Variants in AKR1C4 observed in about 807,000 individuals in gnomAD.
AKR1C4 encodes the protein 3-alpha-HSD1.
A neutral mutation model predicts 41.0 loss-of-function variants in AKR1C4; 44 were observed. The observed-to-expected ratio is 1.07, with a 90% confidence interval of 0.84 to 1.38. AKR1C4 has a LOEUF of 1.38. Ranked by LOEUF, AKR1C4 falls within the 40% of genes most tolerant of loss-of-function variation. The pLI is 0.00. For synonymous variants in AKR1C4, 165 were observed against 137.7 expected (o/e 1.20, Z -1.39); for missense variants, 438 against 387.9 (o/e 1.13, Z -1.09).
At chr10:5,199,369 G>A (rs538298182) in intron 1 of AKR1C4, among the ~76,000 whole-genome samples, 144 of 152,106 alleles carry the variant, frequency 9.5e-4, no homozygotes, top group Admixed American at 1.6e-3. Flanking sequence ...AGAGGAGGAC[G>A]TGGTCCCTGG....
chr10:5,217,774 AT>A (rs142613902), intron 8 of AKR1C4, among the ~76,000 whole-genome samples: 1,692 of 152,244 alleles, frequency 0.011, 78 homozygotes, highest in Admixed American at 0.072. Flanking sequence ...AAACAAAAAA[AT>A]CAAGGGAAGA....
chr10:5,216,946 C>G (rs1331718618), intron 8 of AKR1C4, among the ~76,000 whole-genome samples, 153 bp downstream of exon 8: 1 of 152,190 alleles, frequency 6.6e-6, no homozygotes, highest in Non-Finnish European at 1.5e-5. Context: ...TGGATTCACT[C>G]CAGAGCTCTG....
At chr10:5,209,878 C>G (rs1403624351) in intron 5 of AKR1C4, among the ~76,000 whole-genome samples, 1 of 152,100 alleles carries the variant, frequency 6.6e-6, no homozygotes, top group African/African-American at 2.4e-5. Context: ...ACCCCTGGCC[C>G]CTCCCAAATC....
intron 5 of AKR1C4, among the ~76,000 whole-genome samples, chr10:5,211,022 C>T (rs995405779): frequency 2.6e-5 from 4 of 152,218 alleles, no homozygotes; most frequent in Non-Finnish European, 5.9e-5. Context: ...ACCTTGGCCC[C>T]TTTTAGTCAC....
chr10:5,209,579 T>C (rs537542462), intron 5 of AKR1C4, among the ~76,000 whole-genome samples: 4 of 152,178 alleles, frequency 2.6e-5, no homozygotes, highest in East Asian at 1.9e-4. Context: ...CTGGGACTTA[T>C]AGTTCCAATA....
chr10:5,205,693 A>G, intron 3 of AKR1C4, 64 bp from the exon 4 acceptor site: 1 of 1,400,024 alleles, frequency 7.1e-7, no homozygotes, highest in Non-Finnish European at 1.0e-6. Flanking sequence ...TAAAATGTAC[A>G]TGGGAGCATG....
intron 4 of AKR1C4, among the ~76,000 whole-genome samples, chr10:5,206,071 A>C (rs1337269667): frequency 6.6e-6 from 1 of 152,218 alleles, no homozygotes; most frequent in Non-Finnish European, 1.5e-5. Flanking sequence ...ATGGACATTT[A>C]TCTCTCCAGC....
intron 5 of AKR1C4, among the ~76,000 whole-genome samples, chr10:5,211,749 AT>A (rs1305367010): frequency 1.3e-5 from 2 of 152,022 alleles, no homozygotes; most frequent in African/African-American, 4.8e-5. Flanking sequence ...ATATTAGTCC[AT>A]TTTCATGCTG....
intron 5 of AKR1C4, among the ~76,000 whole-genome samples, chr10:5,212,235 C>G (rs1030864084): frequency 6.6e-6 from 1 of 152,152 alleles, no homozygotes; most frequent in Non-Finnish European, 1.5e-5. Flanking sequence ...GCAAATGTTA[C>G]TGGGATTCCT....
At chr10:5,206,536 A>G (rs1371754839) in intron 5 of AKR1C4, 139 bp downstream of exon 5, 3 of 1,462,012 alleles carry the variant, frequency 2.1e-6, no homozygotes, top group Non-Finnish European at 2.8e-6. Flanking sequence ...CTAGAAGAAA[A>G]CGGAAGACCC....
chr10:5,217,030 A>T (rs374036474), intron 8 of AKR1C4, among the ~76,000 whole-genome samples: 3 of 152,198 alleles, frequency 2.0e-5, no homozygotes, highest in South Asian at 2.1e-4. Context: ...CTCCATGGAA[A>T]TTTCCAGAGC....
chr10:5,202,287 T>C (rs1554796982), intron 2 of AKR1C4, among the ~76,000 whole-genome samples: 1 of 152,200 alleles, frequency 6.6e-6, no homozygotes, highest in Non-Finnish European at 1.5e-5. Flanking sequence ...GTAAATGGAA[T>C]TCTTAATTTG....
At chr10:5,199,611 C>T (rs908359045) in intron 1 of AKR1C4, among the ~76,000 whole-genome samples, 6 of 152,144 alleles carry the variant, frequency 3.9e-5, no homozygotes, top group Non-Finnish European at 8.8e-5. Context: ...GGCACCAGTA[C>T]GCCAGCGGGC....
chr10:5,205,034 TAAATTTATAGAAAA>T (rs1234766822), intron 3 of AKR1C4, among the ~76,000 whole-genome samples: 2 of 152,232 alleles, frequency 1.3e-5, no homozygotes, highest in Non-Finnish European at 2.9e-5. Context: ...GCATAACTTT[TAAATTTATAGAAAA>T]AAAACTCAGG....
chr10:5,206,148 C>T, intron 4 of AKR1C4, 127 bp from the exon 5 acceptor site: 1 of 1,481,342 alleles, frequency 6.8e-7, no homozygotes, highest in South Asian at 1.4e-5. Flanking sequence ...GTAATTTTTT[C>T]TCTTGAGAAT....
At chr10:5,204,214 T>TGTA (rs3039101) in intron 2 of AKR1C4, among the ~76,000 whole-genome samples, 163 bp from the exon 3 acceptor site, 17,143 of 152,242 alleles carry the variant, frequency 0.11, 1,171 homozygotes, top group Admixed American at 0.17. Flanking sequence ...ATATGCAATA[T>TGTA]GTAGCTTTCA....
chr10:5,207,492 T>A (rs1345426885), intron 5 of AKR1C4: 1 of 410,732 alleles, frequency 2.4e-6, no homozygotes. Flanking sequence ...ATGGAAGAAG[T>A]CAAAACTGAA....
intron 5 of AKR1C4, among the ~76,000 whole-genome samples, chr10:5,210,769 A>G (rs2398158): frequency 0.97 from 146,975 of 152,162 alleles, 71,206 homozygotes; most frequent in East Asian, 1. Flanking sequence ...GTGCCACCAC[A>G]CCTGGCTAAT....
intron 6 of AKR1C4, 134 bp downstream of exon 6, chr10:5,212,859 C>A: frequency 7.2e-7 from 1 of 1,384,720 alleles, no homozygotes; most frequent in Non-Finnish European, 9.9e-7. Flanking sequence ...TATGAGATAC[C>A]AGGTGATGCT....
Sources: allele counts gnomAD v4.1 joint callset (sites outside exome capture counted in the v4.1 genomes callset), GRCh38; gene constraint gnomAD v4.1.1; transcripts MANE v1.5; gene names NCBI Gene and HGNC (gene_info 2026-07-23, HGNC 2026-07-21).